The following CMTM8 variants were observed in gnomAD, a reference collection of about 807,000 sequenced individuals.
CMTM8 encodes CKLF like MARVEL transmembrane domain containing 8, also known as CKLF-like MARVEL transmembrane domain-containing protein 8.
Under a neutral mutation model 18.6 loss-of-function variants are expected in CMTM8, and 12 were observed. That is an observed-to-expected ratio of 0.65 (90% CI 0.41 to 1.05). The LOEUF (loss-of-function observed/expected upper bound fraction) is 1.05, where lower values mean the gene tolerates loss of function less well. Among genes scored for constraint, CMTM8 ranks in the 50% least tolerant of loss-of-function variants. The pLI is 0.00. For synonymous variants in CMTM8, 87 were observed against 90.6 expected, an observed-to-expected ratio of 0.96 and a Z score of 0.23; for missense variants, 217 against 227.2, an observed-to-expected ratio of 0.95 and a Z score of 0.29.
At chr3:32,308,905 C>T (rs1186353621) in intron 1 of CMTM8, among the ~76,000 whole-genome samples, 4 of 152,154 alleles carry the variant, frequency 2.6e-5, no homozygotes, top group African/African-American at 9.7e-5. Context: ...ATTAGAGATG[C>T]TCCTTCCTAT....
intron 1 of CMTM8, among the ~76,000 whole-genome samples, chr3:32,316,592 G>A (rs1460095824): frequency 1.3e-5 from 2 of 152,194 alleles, no homozygotes; most frequent in East Asian, 1.9e-4. Context: ...TGGAGATGTT[G>A]AATCAATTGT....
chr3:32,307,812 A>G (rs1695745768), intron 1 of CMTM8, among the ~76,000 whole-genome samples: 1 of 152,174 alleles, frequency 6.6e-6, no homozygotes, highest in Admixed American at 6.5e-5. Context: ...TAGAATTTGC[A>G]TTCTAACAAG....
intron 1 of CMTM8, among the ~76,000 whole-genome samples, chr3:32,257,406 T>G (rs1393324138): frequency 6.6e-5 from 10 of 152,258 alleles, no homozygotes; most frequent in Admixed American, 1.3e-4. Context: ...AAAGGAATCT[T>G]TATTCAATCC....
At chr3:32,333,530 A>G (rs1463052975) in intron 1 of CMTM8, among the ~76,000 whole-genome samples, 1 of 149,784 alleles carries the variant, frequency 6.7e-6, no homozygotes, top group Non-Finnish European at 1.5e-5. Context: ...CATTTTTTTT[A>G]TCCTTTCTCA....
intron 1 of CMTM8, among the ~76,000 whole-genome samples, chr3:32,297,698 A>G (rs1357684307): frequency 2.6e-5 from 4 of 151,976 alleles, no homozygotes; most frequent in African/African-American, 7.2e-5. Context: ...GAAAGATAAC[A>G]ATTTCTTCTA....
chr3:32,277,808 T>C (rs1278663827), intron 1 of CMTM8, among the ~76,000 whole-genome samples: 1 of 152,148 alleles, frequency 6.6e-6, no homozygotes, highest in Non-Finnish European at 1.5e-5. Context: ...CTTGGAAAAT[T>C]GGACAAATGC....
chr3:32,316,666 AT>A (rs59411418), intron 1 of CMTM8, among the ~76,000 whole-genome samples: 52,720 of 151,700 alleles, frequency 0.35, 9,266 homozygotes, highest in Middle Eastern at 0.4. Flanking sequence ...TTGTTTGGGG[AT>A]TTTTTTTTCC....
Position 32,253,704 on chromosome 3 carries a change from C to T in CMTM8, c.147+14585C>T, listed in dbSNP as rs376752574. 6.1e-4 allele frequency among the ~76,000 whole-genome samples: 92 copies of T among 151,984 alleles called. 3 individuals carry two copies. The South Asian group carries it at 0.018, about 29-fold the overall frequency. The stretch of plus-strand genomic sequence containing the variant: ...TAATTTATTTTCACCATGCATTTCT[C>T]CAATTTCTTTTTCAAGAGACCAGGT... On this transcript the variant is annotated intron_variant, in intron 1 of 3. Coordinates refer to ENST00000307526, the MANE Select transcript of CMTM8 (RefSeq NM_178868.5).
intron 1 of CMTM8, among the ~76,000 whole-genome samples, chr3:32,288,151 A>T (rs1480327987): frequency 6.6e-6 from 1 of 152,202 alleles, no homozygotes; most frequent in Non-Finnish European, 1.5e-5. Flanking sequence ...TTTTGACAAC[A>T]TCTTTGTTTC....
chr3:32,334,332 C>T (rs986861429), intron 1 of CMTM8, among the ~76,000 whole-genome samples: 2 of 151,234 alleles, frequency 1.3e-5, no homozygotes, highest in Middle Eastern at 3.4e-3. Flanking sequence ...ATTGACCGAG[C>T]GTGGTGGCTC....
chr3:32,349,289 G>A (rs73824694), intron 1 of CMTM8, among the ~76,000 whole-genome samples: 12,355 of 152,032 alleles, frequency 0.081, 607 homozygotes, highest in East Asian at 0.18. Flanking sequence ...AGATTGACCT[G>A]GCTGGGCTGT....
At chr3:32,329,865 C>CA (rs1221858421) in intron 1 of CMTM8, among the ~76,000 whole-genome samples, 2 of 152,146 alleles carry the variant, frequency 1.3e-5, no homozygotes, top group South Asian at 2.1e-4. Context: ...AAGATTCTAC[C>CA]AAAAAAGCTG....
intron 1 of CMTM8, among the ~76,000 whole-genome samples, chr3:32,264,673 C>T (rs1279492270): frequency 2.6e-5 from 4 of 152,178 alleles, no homozygotes; most frequent in Admixed American, 2.6e-4. Flanking sequence ...GATCAAGAGT[C>T]AAGACCCATC....
chr3:32,367,858 C>T lies in CMTM8; in HGVS notation c.322-14C>T. The T allele has an allele frequency of 6.3e-7, 1 of 1,589,424 alleles. No individual in the cohort carries two copies. Among genetic ancestry groups the T allele is most frequent in the Non-Finnish European group, 8.6e-7 (1 of 1,158,216 alleles). The stretch of plus-strand genomic sequence containing the variant: ...TCCCCTCTCCCTAAACACTCTGCCC[C>T]TGTGTCCCCCCAGGGCCTGTGCTTT... On this transcript the variant is annotated splice_polypyrimidine_tract_variant and intron_variant, in intron 2 of 3. Coordinates refer to ENST00000307526, the MANE Select transcript of CMTM8 (RefSeq NM_178868.5).
At chr3:32,334,647 A>G (rs1037842090) in intron 1 of CMTM8, among the ~76,000 whole-genome samples, 24 of 152,000 alleles carry the variant, frequency 1.6e-4, no homozygotes, top group African/African-American at 5.6e-4. Context: ...AAGCTCCCCA[A>G]CTCGGCACAA....
At chr3:32,273,784 T>C (rs1016859732) in intron 1 of CMTM8, among the ~76,000 whole-genome samples, 1 of 152,146 alleles carries the variant, frequency 6.6e-6, no homozygotes, top group Non-Finnish European at 1.5e-5. Flanking sequence ...ACATACCTCT[T>C]TGAATAGTCT....
intron 1 of CMTM8, among the ~76,000 whole-genome samples, chr3:32,263,779 C>CG (rs1164130500): frequency 7.2e-5 from 11 of 152,150 alleles, no homozygotes; most frequent in Admixed American, 2.6e-4. Context: ...CTGAAAACCA[C>CG]GGCACGAGAA....
chr3:32,249,994 C>A (rs1159855979), intron 1 of CMTM8, among the ~76,000 whole-genome samples: 1 of 152,130 alleles, frequency 6.6e-6, no homozygotes, highest in East Asian at 1.9e-4. Context: ...CTATTTTCTT[C>A]TAAAAGTTGT....
intron 1 of CMTM8, among the ~76,000 whole-genome samples, chr3:32,351,233 A>C (rs570824862): frequency 3.3e-4 from 51 of 152,252 alleles, no homozygotes; most frequent in Non-Finnish European, 5.7e-4. Flanking sequence ...TATTGGGTCA[A>C]TTGTCTATCT....
Sources: gnomAD v4.1 joint callset for allele counts (sites outside exome capture counted in the v4.1 genomes callset) on GRCh38, gnomAD v4.1.1 for gene constraint, MANE v1.5 for transcripts, NCBI Gene and HGNC (gene_info 2026-07-23, HGNC 2026-07-21) for gene names.